Variants in SET observed in about 807,000 individuals in gnomAD.
The protein encoded by SET is SET nuclear proto-oncogene.
In SET, 4 loss-of-function variants were observed where a neutral mutation model predicts 39.0. That is an observed-to-expected ratio of 0.10 (90% CI 0.05 to 0.23). SET has a LOEUF of 0.23. Ranked by LOEUF, SET falls within the 10% of genes least tolerant of loss-of-function variation. The pLI is 1.00. For synonymous variants in SET, 114 were observed against 115.9 expected (o/e 0.98, Z 0.11); for missense variants, 137 against 329.7 (o/e 0.42, Z 4.53).
upstream of SET, among the ~76,000 whole-genome samples, chr9:128,688,959 T>A (rs1861383228): frequency 6.6e-6 from 1 of 151,516 alleles, no homozygotes. Context: ...CGCGCCTCCG[T>A]GCGACGCCCC....
rs1687836933 is a variant in SET at position 128,689,356 on chromosome 9, C to A, written c.-227C>A. ...TCCGCCTCCCCTCCGCGAACAGGAG[C>A]CCGGGCCGGGGCCCGGCACGCCGCC... On this transcript the variant is annotated 5_prime_UTR_variant, in exon 1 of 8. Coordinates refer to ENST00000322030, the MANE Select transcript of SET (RefSeq NM_003011.4). 1 of 1,041,214 alleles carries A rather than the reference C, an allele frequency of 9.6e-7. No homozygotes were observed. Among genetic ancestry groups the A allele is most frequent in the Non-Finnish European group, 1.2e-6 (1 of 859,962 alleles). The allele number at this position is 1,041,214 out of a possible 1,614,324, so 64.5% of individuals were successfully genotyped here. A position where few individuals can be genotyped will look rare whatever the true frequency, so the allele number is the denominator to read the frequency against.
At position 128,689,404 on chromosome 9, in the gene SET, G is replaced by A. The variant is rs1861412529; in HGVS notation, c.-179G>A. The A allele has an allele frequency of 1.2e-6, 1 of 826,202 alleles. No individual in the cohort carries two copies. Among genetic ancestry groups the A allele is most frequent in the South Asian group, 5.6e-5 (1 of 17,816 alleles). 51.2% of individuals were successfully genotyped at this position (826,202 alleles called of 1,614,324 possible). On this transcript the variant is annotated 5_prime_UTR_variant, in exon 1 of 8. Transcript: ENST00000322030. ...GCCCCAGCCCGTCCCTCGGCGTCAG[G>A]CCGCGAGGGTAGCGCGCGCGAGCGA...
upstream of SET, chr9:128,685,145 G>T (rs1589449538): frequency 1.3e-6 from 2 of 1,578,412 alleles, no homozygotes; most frequent in Non-Finnish European, 1.7e-6. Context: ...ACTTTTACTG[G>T]GTCTCAGTCC....
rs1564360177 is a variant in SET, at chr9:128,691,777, GTAAA to G, written c.132-78_132-75del. ...TATTTTGCATGACTCAAGCTAGTAA[GTAAA>G]TACACTCTGTAATCTCAACCAATTT... is the stretch of plus-strand genomic sequence containing the variant. On this transcript the variant is annotated intron_variant, in intron 2 of 7. Coordinates refer to ENST00000322030, the MANE Select transcript of SET (RefSeq NM_003011.4). 69 of 1,371,702 alleles carry G rather than the reference GTAAA, an allele frequency of 5.0e-5. 1 individual carries two copies. The South Asian group carries it at 6.9e-4, about 14-fold the overall frequency. 85.0% of individuals were successfully genotyped at this position (1,371,702 alleles called of 1,614,324 possible). A position where few individuals can be genotyped will look rare whatever the true frequency, so the allele number is the denominator to read the frequency against.
rs1455644152 is a variant in SET at position 128,695,771 on chromosome 9, T to C, written c.*1107T>C. The C allele has an allele frequency of 4.4e-6, 1 of 227,554 alleles. No homozygotes were observed. 14.1% of individuals were successfully genotyped at this position (227,554 alleles called of 1,614,324 possible). On this transcript the variant is annotated 3_prime_UTR_variant, in exon 8 of 8. Transcript: ENST00000322030. ...TGGTTTCTGAAAGTATTCACATCAT[T>C]TGGGATACCAGATAGCTCAATACTC...
chr9:128,686,973 C>T (rs907386872), upstream of SET, among the ~76,000 whole-genome samples: 4 of 152,098 alleles, frequency 2.6e-5, no homozygotes, highest in African/African-American at 9.7e-5. Flanking sequence ...ATAATAATAA[C>T]AACAATAAAA....
chr9:128,689,796 A>G (rs1328964709), intron 1 of SET, 141 bp downstream of exon 1: 1 of 145,620 alleles, frequency 6.9e-6, no homozygotes, highest in Non-Finnish European at 1.5e-5. Context: ...GGGCCCGCGG[A>G]CTCGGCGCCC....
chr9:128,695,629 C>T lies in SET; in HGVS notation c.*965C>T, dbSNP rs753186197. ...CTGTCAAACTTTGTCACCCTAACTT[C>T]GTATTTTTTGATACGCACTTTGCAG... On this transcript the variant is annotated 3_prime_UTR_variant, in exon 8 of 8. Transcript: ENST00000322030. 2 of 224,884 alleles carry T rather than the reference C, an allele frequency of 8.9e-6. No individual in the cohort carries two copies. The highest frequency in any genetic ancestry group is 2.2e-5 in the African/African-American group (1 of 45,030). 13.9% of individuals were successfully genotyped at this position (224,884 alleles called of 1,614,324 possible).
At chr9:128,684,738 C>G (rs967723038), upstream of SET, among the ~76,000 whole-genome samples, 1 of 152,080 alleles carries the variant, frequency 6.6e-6, no homozygotes, top group Non-Finnish European at 1.5e-5. Context: ...CTCTCCTTAC[C>G]TGTGCACCAC....
intron 1 of SET, chr9:128,690,695 C>T (rs1047629428): frequency 5.2e-5 from 9 of 172,676 alleles, no homozygotes; most frequent in Admixed American, 3.6e-4. Flanking sequence ...GTATCTTCAT[C>T]GTAATAGCAG....
upstream of SET, among the ~76,000 whole-genome samples, chr9:128,686,872 T>C (rs931902491): frequency 3.3e-5 from 5 of 151,838 alleles, no homozygotes; most frequent in Non-Finnish European, 5.9e-5. Flanking sequence ...TCCCAGCTAC[T>C]CAGAAGGCTG....
Position 128,690,833 on chromosome 9 carries a change from A to G in SET, c.74-337A>G, listed in dbSNP as rs185197784. The G allele has an allele frequency of 1.4e-3, 412 of 298,792 alleles. 1 individual carries two copies. The highest frequency in any genetic ancestry group is 8.8e-3 in the South Asian group (246 of 28,006). 18.5% of individuals were successfully genotyped at this position (298,792 alleles called of 1,614,324 possible). On this transcript the variant is annotated intron_variant, in intron 1 of 7. Coordinates refer to ENST00000322030, the MANE Select transcript of SET (RefSeq NM_003011.4). ...GCTGCTACTGTTCTCTTGCAAGTGT[A>G]TAATGTGAAATAATAAACGTGAAGA...
upstream of SET, among the ~76,000 whole-genome samples, chr9:128,684,751 C>T (rs1202523126): frequency 6.6e-6 from 1 of 152,150 alleles, no homozygotes; most frequent in African/African-American, 2.4e-5. Context: ...TGCACCACCT[C>T]CAGCTCTCTG....
intron 1 of SET, chr9:128,690,031 G>C (rs1227785952): frequency 4.9e-6 from 5 of 1,023,856 alleles, no homozygotes; most frequent in Non-Finnish European, 5.9e-6. Flanking sequence ...CACATGGTGC[G>C]GCCGGACGCG....
chr9:128,690,070 C>T (rs1336122417), intron 1 of SET: 19 of 796,570 alleles, frequency 2.4e-5, no homozygotes, highest in Non-Finnish European at 2.9e-5. Flanking sequence ...CGCGCGGTTC[C>T]GCTTCGCGCC....
rs1297961984 is a variant in SET at position 128,684,076 on chromosome 9, C to T, written c.112+69C>T. On this transcript the variant is annotated intron_variant, in intron 1 of 7. Coordinates refer to the SET transcript ENST00000372692. ...CAAGGATTGACTCTCTGATTTTTACCCCCCAATCCCTCTTGAGATGTGACC... is the reference window on the plus strand; with the variant it reads ...CAAGGATTGACTCTCTGATTTTTACTCCCCAATCCCTCTTGAGATGTGACC... The T allele has an allele frequency of 4.8e-6, 6 of 1,256,874 alleles. No homozygotes were observed. In the East Asian group the frequency reaches 1.5e-4, roughly 32 times the overall value. 77.9% of individuals were successfully genotyped at this position (1,256,874 alleles called of 1,614,324 possible). A position where few individuals can be genotyped will look rare whatever the true frequency, so the allele number is the denominator to read the frequency against.
At chr9:128,688,376 G>A (rs1364847152), upstream of SET, among the ~76,000 whole-genome samples, 9 of 152,202 alleles carry the variant, frequency 5.9e-5, no homozygotes, top group Admixed American at 5.9e-4. Flanking sequence ...TGCCTCTCAA[G>A]TAGAACTTGT....
At chr9:128,685,252 T>C (rs981431218), upstream of SET, 1 of 1,518,580 alleles carries the variant, frequency 6.6e-7, no homozygotes, top group Non-Finnish European at 9.0e-7. Flanking sequence ...TTTTCTCTTC[T>C]ATAAAATGGG....
At chr9:128,687,139 C>T (rs770311341), upstream of SET, among the ~76,000 whole-genome samples, 21 of 151,218 alleles carry the variant, frequency 1.4e-4, no homozygotes, top group Non-Finnish European at 2.1e-4. Context: ...GGGCAGATCA[C>T]CTGAGGTCGG....
Sources: allele counts gnomAD v4.1 joint callset (sites outside exome capture counted in the v4.1 genomes callset), GRCh38; gene constraint gnomAD v4.1.1; transcripts MANE v1.5; gene names NCBI Gene and HGNC (gene_info 2026-07-23, HGNC 2026-07-21).